Variants in MTCL2 observed in about 807,000 individuals in gnomAD.
MTCL2 encodes the protein microtubule cross-linking factor 2.
At chr20:36,850,108 C>A in the MTCL2 span, among the ~76,000 whole-genome samples, 1 of 152,130 alleles carries the variant, frequency 6.6e-6, no homozygotes, top group Admixed American at 6.5e-5. Flanking sequence ...CCCCTACAGA[C>A]CATATTCTAG....
chr20:36,847,317 G>A, the MTCL2 span, among the ~76,000 whole-genome samples: 1 of 152,224 alleles, frequency 6.6e-6, no homozygotes, highest in African/African-American at 2.4e-5. Context: ...GCTGACTCCT[G>A]ACTATCTCAT....
At chr20:36,851,444 C>T in the MTCL2 span, among the ~76,000 whole-genome samples, 8 of 152,188 alleles carry the variant, frequency 5.3e-5, no homozygotes, top group South Asian at 2.1e-4. Flanking sequence ...TCTCCCTCGA[C>T]GCCTCCTCTC....
chr20:36,859,991 C>A, the MTCL2 span: 1 of 1,092,794 alleles, frequency 9.2e-7, no homozygotes, highest in Non-Finnish European at 1.2e-6. Context: ...CCAGTAATAA[C>A]CCCTCTATTT....
the MTCL2 span, among the ~76,000 whole-genome samples, chr20:36,857,403 CCT>C: frequency 6.6e-6 from 1 of 152,070 alleles, no homozygotes; most frequent in Non-Finnish European, 1.5e-5. Flanking sequence ...GAGTGAGTAT[CCT>C]CTCTAATCTG....
the MTCL2 span, among the ~76,000 whole-genome samples, chr20:36,826,358 C>T: frequency 4.4e-5 from 1 of 22,598 alleles, no homozygotes. Flanking sequence ...CCTCCCCCCT[C>T]CCCCTCCCCC....
At chr20:36,825,148 G>A in the MTCL2 span, among the ~76,000 whole-genome samples, 1 of 151,968 alleles carries the variant, frequency 6.6e-6, no homozygotes, top group Non-Finnish European at 1.5e-5. Flanking sequence ...TCACCATGTT[G>A]GTCAGGCTGG....
chr20:36,793,865 G>C, the MTCL2 span: 1 of 1,548,722 alleles, frequency 6.5e-7, no homozygotes, highest in Non-Finnish European at 8.7e-7. The surrounding 1 kb of genome is among the most constrained non-coding windows in gnomAD (Gnocchi z 6.8). Context: ...AGAGCTGCGG[G>C]GTGACCAGGC....
At chr20:36,796,832 G>A in the MTCL2 span, 6 of 1,584,554 alleles carry the variant, frequency 3.8e-6, no homozygotes, top group African/African-American at 6.7e-5. Flanking sequence ...AGAGGGGCGA[G>A]GCTGTGGGGC....
At chr20:36,792,849 TAGATAGATAGACAGAC>T in the MTCL2 span, among the ~76,000 whole-genome samples, 90 of 146,622 alleles carry the variant, frequency 6.1e-4, no homozygotes, top group Admixed American at 1.1e-3. Flanking sequence ...GATAGATAGA[TAGATAGATAGACAGAC>T]AGACAGACAG....
the MTCL2 span, chr20:36,862,995 G>A: frequency 7.1e-7 from 1 of 1,406,900 alleles, no homozygotes; most frequent in South Asian, 1.3e-5. Flanking sequence ...GCTGCTATCC[G>A]TGAGGCTGGG....
the MTCL2 span, among the ~76,000 whole-genome samples, chr20:36,796,057 G>C: frequency 6.6e-6 from 1 of 152,140 alleles, no homozygotes; most frequent in Non-Finnish European, 1.5e-5. Context: ...TCACTTCCAA[G>C]TGTTTCCTGA....
chr20:36,812,031 C>A, the MTCL2 span, among the ~76,000 whole-genome samples: 1 of 152,220 alleles, frequency 6.6e-6, no homozygotes, highest in African/African-American at 2.4e-5. Flanking sequence ...AATTCAATAA[C>A]TACCATTCAC....
At chr20:36,835,749 G>A in the MTCL2 span, among the ~76,000 whole-genome samples, 2 of 152,106 alleles carry the variant, frequency 1.3e-5, no homozygotes, top group Non-Finnish European at 2.9e-5. Context: ...GGGAGGGAAG[G>A]GCAAGAGGGA....
At chr20:36,777,862 GT>G in the MTCL2 span, 5 of 625,572 alleles carry the variant, frequency 8.0e-6, no homozygotes, top group South Asian at 3.9e-5. Context: ...GGTTGGAGCT[GT>G]TTTTTGGCAC....
the MTCL2 span, chr20:36,805,859 C>A: frequency 6.2e-7 from 1 of 1,608,676 alleles, no homozygotes; most frequent in Non-Finnish European, 8.5e-7. Context: ...ACACCGTGTT[C>A]TGGGTCCAGC....
At chr20:36,808,852 T>A in the MTCL2 span, 1 of 949,820 alleles carries the variant, frequency 1.1e-6, no homozygotes, top group Non-Finnish European at 1.5e-6. Context: ...TGCCTGTGAG[T>A]GATCCCTGCC....
the MTCL2 span, chr20:36,805,952 G>C: frequency 6.3e-7 from 1 of 1,598,900 alleles, no homozygotes. Flanking sequence ...CCTTCATGCT[G>C]TTCACCTGTT....
At chr20:36,839,809 C>T in the MTCL2 span, among the ~76,000 whole-genome samples, 2 of 152,160 alleles carry the variant, frequency 1.3e-5, no homozygotes, top group Admixed American at 1.3e-4. The surrounding 1 kb of genome is among the most constrained non-coding windows in gnomAD (Gnocchi z 5.1). Context: ...CCTGCCCAAA[C>T]CTTGATTTCT....
At chr20:36,783,640 G>C in the MTCL2 span, 16 of 352,328 alleles carry the variant, frequency 4.5e-5, no homozygotes, top group Non-Finnish European at 6.4e-5. Flanking sequence ...GGGGGAGAAC[G>C]GGTTCGAGAA....
Sources: allele counts gnomAD v4.1 joint callset (sites outside exome capture counted in the v4.1 genomes callset), GRCh38; gene constraint gnomAD v4.1.1; non-coding constraint Gnocchi (gnomAD v3.1); transcripts MANE v1.5; gene names NCBI Gene and HGNC (gene_info 2026-07-23, HGNC 2026-07-21).